Variants in LRRIQ1 observed in about 807,000 individuals in gnomAD.
LRRIQ1 encodes the protein leucine rich repeats and IQ motif containing 1.
A neutral mutation model predicts 211.9 loss-of-function variants in LRRIQ1; 210 were observed. That is an observed-to-expected ratio of 0.99 (90% confidence interval 0.89 to 1.11). The LOEUF (loss-of-function observed/expected upper bound fraction) is 1.11. Among genes scored for constraint, LRRIQ1 ranks in the 50% most tolerant of loss-of-function variants. LRRIQ1 has a pLI of 0.00. For synonymous variants in LRRIQ1, 699 were observed against 650.1 expected (o/e 1.08, Z -1.14); for missense variants, 2,136 against 1,939.5 (o/e 1.10, Z -1.90).
chr12:85,229,665 C>T lies in LRRIQ1; in HGVS notation c.4955+16C>T, dbSNP rs755204571. The T allele has an allele frequency of 6.2e-7, 1 of 1,601,756 alleles. No individual in the cohort carries two copies. The highest frequency in any genetic ancestry group is 8.5e-7 in the Non-Finnish European group (1 of 1,176,022). On this transcript the variant is annotated intron_variant, in intron 25 of 26. Coordinates refer to ENST00000393217, the MANE Select transcript of LRRIQ1 (RefSeq NM_001079910.2). ...ATATGAAATGGTGAGGTCATTTCCT[C>T]TAAATTAGATTTTTGTATTGTAAAC... is the stretch of plus-strand genomic sequence containing the variant.
At chr12:85,229,706 A>AAACCTATTTCAATT in intron 25 of LRRIQ1, 57 bp downstream of exon 25, 1 of 1,541,372 alleles carries the variant, frequency 6.5e-7, no homozygotes, top group Admixed American at 1.9e-5. Flanking sequence ...TTGAAAATTG[A>AAACCTATTTCAATT]AACCTAGGTT....
chr12:85,124,027 TG>T, intron 16 of LRRIQ1, 42 bp from the exon 17 acceptor site: 1 of 1,433,458 alleles, frequency 7.0e-7, no homozygotes, highest in Non-Finnish European at 9.6e-7. Flanking sequence ...TAATATTTGC[TG>T]GTACTATTCT....
intron 24 of LRRIQ1, among the ~76,000 whole-genome samples, chr12:85,198,474 A>G (rs1488308133): frequency 3.3e-5 from 5 of 151,394 alleles, no homozygotes; most frequent in African/African-American, 1.2e-4. Context: ...AGCATCTGTT[A>G]TTTTTTTGAC....
In LRRIQ1 at chr12:85,056,783, A is replaced by G; in HGVS notation, c.1990A>G (p.Met664Val). 1.9e-6 allele frequency: 3 copies of G among 1,609,324 alleles called. No individual in the cohort carries two copies. Among genetic ancestry groups the G allele is most frequent in the South Asian group, 1.1e-5 (1 of 89,908 alleles). Reference sequence around the variant, plus strand: ...TGTGATTTTTAACACAACTGATACCATGATAAATATAGAAGGCAAAAGAAA... The same window carrying G: ...TGTGATTTTTAACACAACTGATACCGTGATAAATATAGAAGGCAAAAGAAA... ...GIVIFNTTDT[M>V]INIEGKRNDQ... The change falls in exon 8 of 27, where the codon ATG becomes GTG. Residue 664 changes from methionine (M) to valine (V), a missense_variant. Met to Val is a conservative substitution (Grantham distance 21, BLOSUM62 1). Transcript: ENST00000393217.
chr12:85,262,095 T>C (rs1896317287), intron 1 of LRRIQ1, among the ~76,000 whole-genome samples: 1 of 152,174 alleles, frequency 6.6e-6, no homozygotes, highest in South Asian at 2.1e-4. Flanking sequence ...GCCATAATTC[T>C]TTAATAGTAT....
chr12:85,042,468 AATT>A (rs1223365083), intron 3 of LRRIQ1, among the ~76,000 whole-genome samples: 4 of 148,232 alleles, frequency 2.7e-5, no homozygotes, highest in African/African-American at 9.8e-5. Context: ...TAATTGTTAA[AATT>A]ATTAAATTTA....
chr12:85,098,222 G>A (rs1224189629), intron 11 of LRRIQ1, 133 bp from the exon 12 acceptor site: 5 of 580,796 alleles, frequency 8.6e-6, no homozygotes, highest in Non-Finnish European at 1.5e-5. Context: ...CAGGAATTTG[G>A]ACTAAGTCCT....
intron 17 of LRRIQ1, among the ~76,000 whole-genome samples, chr12:85,127,425 G>A (rs575946593): frequency 3.9e-5 from 6 of 152,118 alleles, no homozygotes; most frequent in Non-Finnish European, 7.4e-5. Context: ...TCTTACATTC[G>A]AAGGTAATTT....
intron 24 of LRRIQ1, among the ~76,000 whole-genome samples, chr12:85,220,642 T>C (rs933542456): frequency 4.0e-5 from 6 of 150,514 alleles, no homozygotes; most frequent in African/African-American, 1.5e-4. Flanking sequence ...TTTATTTTTA[T>C]TTTATTTTAT....
At chr12:85,106,727 T>C (rs535106235) in intron 15 of LRRIQ1, 112 bp downstream of exon 15, 1 of 720,452 alleles carries the variant, frequency 1.4e-6, no homozygotes, top group Non-Finnish European at 2.3e-6. Flanking sequence ...AATTAAAAAA[T>C]TAAAAGTCAT....
chr12:85,132,772 AAAAT>A (rs1888862249), intron 18 of LRRIQ1, among the ~76,000 whole-genome samples: 3 of 152,034 alleles, frequency 2.0e-5, no homozygotes, highest in South Asian at 2.1e-4. Context: ...AAAAAAATAA[AAAAT>A]AAATAAATAA....
chr12:85,148,733 C>G (rs1464206706), intron 19 of LRRIQ1, among the ~76,000 whole-genome samples: 1 of 151,940 alleles, frequency 6.6e-6, no homozygotes, highest in Admixed American at 6.6e-5. Context: ...ATACTGTCTT[C>G]CAGAATGGTT....
rs1453702063 is a variant in LRRIQ1, at chr12:85,244,904, C to A, written c.5132C>A (p.Ser1711Tyr). ...KNQAHRHSAGSSSKLWFPSKL... is the reference protein window; with the variant it reads ...KNQAHRHSAGYSSKLWFPSKL... Reference sequence around the variant, plus strand: ...CAGGCACACAGACACTCAGCAGGATCTTCAAGTAAGTTGTGGTTTCCTTCA... The same window carrying A: ...CAGGCACACAGACACTCAGCAGGATATTCAAGTAAGTTGTGGTTTCCTTCA... The change falls in exon 27 of 27, where the codon TCT becomes TAT. Residue 1711 changes from serine (S) to tyrosine (Y), a missense_variant. Transcript: ENST00000393217. The A allele has an allele frequency of 6.2e-7, 1 of 1,611,176 alleles. No homozygotes were observed. The highest frequency in any genetic ancestry group is 8.5e-7 in the Non-Finnish European group (1 of 1,178,112).
intron 5 of LRRIQ1, among the ~76,000 whole-genome samples, chr12:85,046,748 A>G (rs990947025): frequency 1.3e-5 from 2 of 152,168 alleles, no homozygotes; most frequent in Non-Finnish European, 2.9e-5. Context: ...ACTTGGAACC[A>G]ACCCAAATGT....
intron 18 of LRRIQ1, among the ~76,000 whole-genome samples, chr12:85,132,593 C>T (rs1225284786): frequency 6.6e-6 from 1 of 151,892 alleles, no homozygotes; most frequent in African/African-American, 2.4e-5. Flanking sequence ...CATGGCAAAA[C>T]CCTGTCTCTA....
At chr12:85,198,020 T>G (rs1313695091) in intron 24 of LRRIQ1, among the ~76,000 whole-genome samples, 1 of 54,596 alleles carries the variant, frequency 1.8e-5, no homozygotes, top group Admixed American at 3.4e-4. Flanking sequence ...ATATATTATA[T>G]TATTATATAT....
intron 26 of LRRIQ1, among the ~76,000 whole-genome samples, chr12:85,238,328 GA>G (rs1402092880): frequency 1.3e-5 from 2 of 151,676 alleles, no homozygotes; most frequent in African/African-American, 4.8e-5. Flanking sequence ...GATTAGAGAT[GA>G]AAAAATATGT....
chr12:85,101,599 G>A (rs1382558438), intron 13 of LRRIQ1, among the ~76,000 whole-genome samples: 1 of 151,778 alleles, frequency 6.6e-6, no homozygotes, highest in Admixed American at 6.6e-5. Flanking sequence ...GAAATAATAT[G>A]CACAGAATGT....
At chr12:85,212,667 T>G (rs1269957161) in intron 24 of LRRIQ1, among the ~76,000 whole-genome samples, 2 of 151,242 alleles carry the variant, frequency 1.3e-5, no homozygotes, top group Non-Finnish European at 2.9e-5. Flanking sequence ...GAGAGAAAAA[T>G]GGTTACTTTT....
Sources: allele counts gnomAD v4.1 joint callset (sites outside exome capture counted in the v4.1 genomes callset), GRCh38; gene constraint gnomAD v4.1.1; transcripts MANE v1.5; gene names NCBI Gene and HGNC (gene_info 2026-07-23, HGNC 2026-07-21).